Variants in CDH18 observed in about 807,000 individuals in gnomAD.
CDH18 encodes the protein cadherin-18.
In CDH18, 31 loss-of-function variants were observed where a neutral mutation model predicts 67.9. The ratio of observed to expected loss-of-function variants is 0.46; its 90% CI spans 0.34 to 0.62. The LOEUF is 0.62. Among genes scored for constraint, CDH18 ranks in the 20% least tolerant of loss-of-function variants. The pLI is 0.01. For missense variants in CDH18, 890 were observed against 975.5 expected (o/e 0.91, Z 1.17); for synonymous variants, 362 against 347.2 (o/e 1.04, Z -0.48).
At chr5:20,030,631 T>C (rs542594981) in intron 2 of CDH18, among the ~76,000 whole-genome samples, 1 of 152,308 alleles carries the variant, frequency 6.6e-6, no homozygotes, top group South Asian at 2.1e-4. Context: ...TACAAATATA[T>C]ACTTAATACA....
intron 1 of CDH18, among the ~76,000 whole-genome samples, chr5:20,507,998 G>GT (rs956588776): frequency 2.6e-5 from 4 of 151,864 alleles, no homozygotes; most frequent in Non-Finnish European, 5.9e-5. Context: ...ATATTTAAGT[G>GT]TTTTCCATTT....
intron 3 of CDH18, among the ~76,000 whole-genome samples, chr5:19,811,876 G>T (rs1403403320): frequency 6.6e-6 from 1 of 151,944 alleles, no homozygotes; most frequent in Non-Finnish European, 1.5e-5. Flanking sequence ...GACCATTCAA[G>T]ATCAAATACA....
At chr5:20,424,745 TAAAAAAAAAA>T (rs67349001) in intron 1 of CDH18, among the ~76,000 whole-genome samples, 3 of 42,910 alleles carry the variant, frequency 7.0e-5, no homozygotes, top group East Asian at 7.9e-4. Context: ...AGACTCTGTC[TAAAAAAAAAA>T]AAAAAAAAAA....
At chr5:20,358,075 A>C (rs1187016770) in intron 1 of CDH18, among the ~76,000 whole-genome samples, 1 of 152,200 alleles carries the variant, frequency 6.6e-6, no homozygotes, top group Non-Finnish European at 1.5e-5. Context: ...ATATTCTCAC[A>C]TATAAGTGGA....
intron 1 of CDH18, among the ~76,000 whole-genome samples, chr5:20,573,985 C>G (rs1467080422): frequency 6.8e-6 from 1 of 147,588 alleles, no homozygotes; most frequent in South Asian, 2.1e-4. Flanking sequence ...ACAAATGACT[C>G]AATTTAAAAA....
At chr5:20,078,603 T>A (rs1744163950) in intron 2 of CDH18, among the ~76,000 whole-genome samples, 1 of 151,920 alleles carries the variant, frequency 6.6e-6, no homozygotes, top group Non-Finnish European at 1.5e-5. Context: ...GGTATAATTT[T>A]ATTTATTTAT....
rs1186725188 is a variant in CDH18 at position 19,994,849 on chromosome 5, T to TAGAGAGAGAGAG, written c.-517-2836_-517-2835insCTCTCTCTCTCT. Among the ~76,000 whole-genome samples, 36 of 32,334 alleles carry TAGAGAGAGAGAG rather than the reference T, an allele frequency of 1.1e-3. 4 individuals carry two copies. Among genetic ancestry groups the TAGAGAGAGAGAG allele is most frequent in the African/African-American group, 4.6e-3 (32 of 7,010 alleles). The allele number at this position is 32,334 out of a possible 152,430, so 21.2% of individuals were successfully genotyped here. A position where few individuals can be genotyped will look rare whatever the true frequency, so the allele number is the denominator to read the frequency against. On this transcript the variant is annotated intron_variant, in intron 2 of 14. Coordinates refer to the CDH18 transcript ENST00000507958. ...AAGAGAATATATATATATATATATATATATATAGAGAGAGAGAGAGAGAGA... is the reference window on the plus strand; with the variant it reads ...AAGAGAATATATATATATATATATATAGAGAGAGAGAGATATATAGAGAGAGAGAGAGAGAGA...
rs112668222 is a variant in CDH18, at chr5:19,695,632, T to C, written c.643+25715A>G. Among the ~76,000 whole-genome samples, 739 of 152,332 alleles carry C rather than the reference T, an allele frequency of 4.9e-3. 13 individuals are homozygous for C. The highest frequency in any genetic ancestry group is 0.017 in the African/African-American group (715 of 41,586). ...AACCCTTGTCCTTTACAAAGTTTTC[T>C]ACATTGCAATCAGCATCCTGGGGGG... On this transcript the variant is annotated intron_variant, in intron 5 of 12. Transcript: ENST00000382275.
At chr5:20,467,450 A>C (rs1333063306) in intron 1 of CDH18, among the ~76,000 whole-genome samples, 1 of 152,210 alleles carries the variant, frequency 6.6e-6, no homozygotes, top group Non-Finnish European at 1.5e-5. Context: ...TAAAATGGAA[A>C]GCAACAAGAA....
At position 20,024,929 on chromosome 5, in the gene CDH18, A is replaced by C. The variant is rs562655697; in HGVS notation, c.-517-32915T>G. Among the ~76,000 whole-genome samples the C allele has an allele frequency of 1.6e-4, 25 of 152,234 alleles. No individual in the cohort carries two copies. In the South Asian group the frequency reaches 3.1e-3, roughly 19 times the overall value. On this transcript the variant is annotated intron_variant, in intron 2 of 14. Transcript: ENST00000507958. Reference sequence around the variant, plus strand: ...TTGGTAAGTGAGTGAAGAGACAGCAACATCACTCACTGACCTGCAGAGTCC... The same window carrying C: ...TTGGTAAGTGAGTGAAGAGACAGCACCATCACTCACTGACCTGCAGAGTCC...
At chr5:20,331,483 A>G (rs1739180682) in intron 1 of CDH18, 2 of 152,192 alleles carry the variant, frequency 1.3e-5, no homozygotes, top group Non-Finnish European at 2.9e-5. Context: ...ATTCGGGCCT[A>G]TAAAAGTGTG....
chr5:19,863,849 G>A (rs1047094995), intron 2 of CDH18, among the ~76,000 whole-genome samples: 7 of 152,108 alleles, frequency 4.6e-5, no homozygotes, highest in South Asian at 2.1e-4. Context: ...ATCCCAGTGC[G>A]GGCTCCATTA....
At chr5:20,366,504 T>C (rs1742531056) in intron 1 of CDH18, among the ~76,000 whole-genome samples, 1 of 152,222 alleles carries the variant, frequency 6.6e-6, no homozygotes, top group Admixed American at 6.5e-5. Flanking sequence ...CACTCATTTA[T>C]ACAAAATGCC....
chr5:20,304,669 G>A, intron 1 of CDH18: 2 of 1,611,640 alleles, frequency 1.2e-6, no homozygotes, highest in Non-Finnish European at 1.7e-6. Flanking sequence ...TAGTGATGAT[G>A]GGTCCGTTTT....
chr5:20,276,696 A>G (rs1745838315), intron 1 of CDH18, among the ~76,000 whole-genome samples: 1 of 152,140 alleles, frequency 6.6e-6, no homozygotes, highest in Non-Finnish European at 1.5e-5. Context: ...CAAGGTATAG[A>G]GCACTAAGCA....
chr5:20,110,768 T>A (rs1378100725), intron 2 of CDH18, among the ~76,000 whole-genome samples: 1 of 152,216 alleles, frequency 6.6e-6, no homozygotes, highest in East Asian at 1.9e-4. Context: ...TACATCAACT[T>A]CACACCTAAA....
chr5:20,543,837 A>T (rs975528710), intron 1 of CDH18, among the ~76,000 whole-genome samples: 1 of 152,186 alleles, frequency 6.6e-6, no homozygotes, highest in Non-Finnish European at 1.5e-5. Context: ...GATTCTATGT[A>T]TATTCTGGCT....
At chr5:20,504,886 G>C (rs1463874065) in intron 1 of CDH18, among the ~76,000 whole-genome samples, 2 of 148,572 alleles carry the variant, frequency 1.3e-5, no homozygotes, top group East Asian at 4.0e-4. Context: ...TCCTGCCTCA[G>C]CCTCCTGAGT....
intron 1 of CDH18, among the ~76,000 whole-genome samples, chr5:20,387,179 A>G (rs1436016352): frequency 6.6e-6 from 1 of 152,102 alleles, no homozygotes; most frequent in African/African-American, 2.4e-5. Flanking sequence ...CATTTTCATG[A>G]TATTGATTCT....
Sources: gnomAD v4.1 joint callset for allele counts (sites outside exome capture counted in the v4.1 genomes callset) on GRCh38, gnomAD v4.1.1 for gene constraint, MANE v1.5 for transcripts, NCBI Gene and HGNC (gene_info 2026-07-23, HGNC 2026-07-21) for gene names.